Variants in CACNA1C observed in about 807,000 individuals in gnomAD.
CACNA1C encodes calcium voltage-gated channel subunit alpha1 C.
Under a neutral mutation model 229.0 loss-of-function variants are expected in CACNA1C, and 30 were observed. The observed-to-expected ratio is 0.13, with a 90% CI of 0.10 to 0.18. The LOEUF (loss-of-function observed/expected upper bound fraction) is 0.18, where lower values mean the gene tolerates loss of function less well. CACNA1C is among the 10% of genes least tolerant of loss of function. CACNA1C has a pLI of 1.00. For synonymous variants in CACNA1C, 1,114 were observed against 1,132.5 expected (o/e 0.98, Z 0.33); for missense variants, 1,658 against 2,845.0 (o/e 0.58, Z 9.49).
In CACNA1C at chr12:2,665,553, C is replaced by T. The variant is rs2096047396; in HGVS notation, c.4399-28C>T. On this transcript the variant is annotated intron_variant, in intron 35 of 46. Transcript: ENST00000399655. This position sits in a 1 kb window ranked among gnomAD's most constrained non-coding sequence, Gnocchi z 5.9. ...GCAGGTGTGTAGGAAGGTCTTCTCA[C>T]AGCACCTCATTGTACTGTTCCCCAC... The T allele has an allele frequency of 6.2e-7, 1 of 1,611,312 alleles. No individual in the cohort carries two copies. The highest frequency in any genetic ancestry group is 1.1e-5 in the South Asian group (1 of 90,942).
intron 3 of CACNA1C, among the ~76,000 whole-genome samples, chr12:2,299,469 C>T (rs73033382): frequency 0.062 from 9,426 of 152,060 alleles, 435 homozygotes; most frequent in Non-Finnish European, 0.095. Flanking sequence ...GAGCTCTCAT[C>T]GGATGCTTGG....
Position 2,677,081 on chromosome 12 carries a change from C to T in CACNA1C, c.4829-13C>T, listed in dbSNP as rs2096862871. The T allele has an allele frequency of 6.2e-7, 1 of 1,611,124 alleles. No homozygotes were observed. On this transcript the variant is annotated splice_polypyrimidine_tract_variant and intron_variant, in intron 39 of 46. Coordinates refer to ENST00000399655, the MANE Select transcript of CACNA1C (RefSeq NM_000719.7). The surrounding 1 kb of genome is among the most constrained non-coding windows in gnomAD (Gnocchi z 7.4). ...TCCCCTCTTACCCCCTCTCCCCTCT[C>T]CATACGTCTCAGATGATGAGGTCAC...
intron 30 of CACNA1C, among the ~76,000 whole-genome samples, chr12:2,637,824 G>A (rs1301473409): frequency 6.6e-6 from 1 of 152,176 alleles, no homozygotes; most frequent in Non-Finnish European, 1.5e-5. Flanking sequence ...TACATTGTTA[G>A]CCTCAGTGTG....
chr12:2,638,883 T>TCAGGTGGA (rs112854912), intron 30 of CACNA1C, among the ~76,000 whole-genome samples: 5,727 of 152,118 alleles, frequency 0.038, 353 homozygotes, highest in African/African-American at 0.13. Context: ...AGGGGAGATG[T>TCAGGTGGA]CAGGTGGACA....
chr12:2,364,113 T>C (rs1172367906), intron 3 of CACNA1C, among the ~76,000 whole-genome samples: 1 of 152,182 alleles, frequency 6.6e-6, no homozygotes, highest in East Asian at 1.9e-4. Flanking sequence ...GTCCACTGCA[T>C]CTGATGTGAG....
intron 3 of CACNA1C, chr12:2,217,622 A>G (rs1414860744): frequency 6.6e-6 from 1 of 152,196 alleles, no homozygotes; most frequent in African/African-American, 2.4e-5. Context: ...GATGGCTTGC[A>G]GTCTGGGTTT....
intron 3 of CACNA1C, among the ~76,000 whole-genome samples, chr12:2,341,587 G>A (rs1271877720): frequency 6.6e-6 from 1 of 152,214 alleles, no homozygotes; most frequent in Non-Finnish European, 1.5e-5. Context: ...GGACTGTGAC[G>A]TTATCCACAT....
intron 3 of CACNA1C, among the ~76,000 whole-genome samples, chr12:2,301,395 G>A (rs956784565): frequency 2.0e-5 from 3 of 152,204 alleles, no homozygotes; most frequent in Admixed American, 2.0e-4. Flanking sequence ...GGGGCCAGCA[G>A]TTTAGCACAG....
At chr12:2,680,733 C>T (rs538220893) in intron 42 of CACNA1C, among the ~76,000 whole-genome samples, 1 of 152,390 alleles carries the variant, frequency 6.6e-6, no homozygotes, top group African/African-American at 2.4e-5. Flanking sequence ...CATGCAAGCC[C>T]ATGGGACTCA....
At chr12:2,229,810 G>A (rs1323340304) in intron 3 of CACNA1C, among the ~76,000 whole-genome samples, 1 of 152,200 alleles carries the variant, frequency 6.6e-6, no homozygotes, top group East Asian at 1.9e-4. Flanking sequence ...GTGGGCGCTG[G>A]TTGCAGGTGA....
intron 22 of CACNA1C, among the ~76,000 whole-genome samples, chr12:2,604,798 C>T (rs2074482442): frequency 6.6e-6 from 1 of 152,172 alleles, no homozygotes; most frequent in Non-Finnish European, 1.5e-5. Flanking sequence ...TGTGAATGCC[C>T]CTGTGAGTAG....
At position 2,264,045 on chromosome 12, in the gene CACNA1C, G is replaced by T. The variant is rs141713937; in HGVS notation, c.477+143615G>T. The stretch of plus-strand genomic sequence containing the variant: ...CTTAATCCCAAAGAGCAGCAGAGTA[G>T]CCTGGGGTATCCACCCCTCCACCCC... On this transcript the variant is annotated intron_variant, in intron 3 of 46. Transcript: ENST00000399655. Among the ~76,000 whole-genome samples, 118 of 152,348 alleles carry T rather than the reference G, an allele frequency of 7.7e-4. 1 individual carries two copies. In the East Asian group the frequency reaches 0.022, roughly 28 times the overall value.
At chr12:2,424,852 G>A (rs1459926107) in intron 3 of CACNA1C, among the ~76,000 whole-genome samples, 1 of 152,260 alleles carries the variant, frequency 6.6e-6, no homozygotes, top group Admixed American at 6.5e-5. Flanking sequence ...AGGAAGCGGG[G>A]AGGGTCCTAA....
At chr12:2,482,711 A>C (rs1245714586) in intron 5 of CACNA1C, among the ~76,000 whole-genome samples, 1 of 152,016 alleles carries the variant, frequency 6.6e-6, no homozygotes, top group Non-Finnish European at 1.5e-5. Context: ...GGGAATCACT[A>C]CCTCTTAAAG....
intron 3 of CACNA1C, among the ~76,000 whole-genome samples, chr12:2,362,473 C>T (rs2097582123): frequency 6.6e-6 from 1 of 152,146 alleles, no homozygotes; most frequent in African/African-American, 2.4e-5. Context: ...CCCCCATAGA[C>T]CCACCCAACC....
chr12:2,080,107 C>A (rs147999310), intron 1 of CACNA1C, among the ~76,000 whole-genome samples: 3,298 of 151,720 alleles, frequency 0.022, 106 homozygotes, highest in African/African-American at 0.073. Context: ...CTAAAAATAA[C>A]AAAAATTATC....
At chr12:2,164,858 A>T (rs2096126324) in intron 3 of CACNA1C, among the ~76,000 whole-genome samples, 1 of 152,234 alleles carries the variant, frequency 6.6e-6, no homozygotes, top group South Asian at 2.1e-4. Context: ...GCGCACACAC[A>T]GTGTCAGAGC....
intron 3 of CACNA1C, among the ~76,000 whole-genome samples, chr12:2,330,316 G>T (rs1208610659): frequency 6.6e-6 from 1 of 152,144 alleles, no homozygotes; most frequent in Non-Finnish European, 1.5e-5. Flanking sequence ...GAGCTTGGAG[G>T]ATCACCTCAT....
rs2061398648 is a variant in CACNA1C at position 2,583,622 on chromosome 12, G to T, written c.2224+680G>T. Among the ~76,000 whole-genome samples the T allele has an allele frequency of 9.2e-5, 14 of 152,326 alleles. No homozygotes were observed. The South Asian group carries it at 2.9e-3, about 32-fold the overall frequency. On this transcript the variant is annotated intron_variant, in intron 15 of 46. Coordinates refer to ENST00000399655, the MANE Select transcript of CACNA1C (RefSeq NM_000719.7). ...GCAGAAAACACAGTCATGGAAGCCTGCAGACAAGGTTTCCTCTTTTCCCAG... is the reference window on the plus strand; with the variant it reads ...GCAGAAAACACAGTCATGGAAGCCTTCAGACAAGGTTTCCTCTTTTCCCAG...
Sources: allele counts gnomAD v4.1 joint callset (sites outside exome capture counted in the v4.1 genomes callset), GRCh38; gene constraint gnomAD v4.1.1; non-coding constraint Gnocchi (gnomAD v3.1); transcripts MANE v1.5; gene names NCBI Gene and HGNC (gene_info 2026-07-23, HGNC 2026-07-21).